Variants in WDFY3 observed in about 807,000 individuals in gnomAD.
The protein encoded by WDFY3 is WD repeat and FYVE domain containing 3.
Under a neutral mutation model 409.6 loss-of-function variants are expected in WDFY3, and 66 were observed. The observed-to-expected ratio is 0.16, with a 90% CI of 0.13 to 0.20. The LOEUF (loss-of-function observed/expected upper bound fraction) is 0.20. WDFY3 is among the 10% of genes least tolerant of loss of function. WDFY3 has a pLI of 1.00. For missense variants in WDFY3, 3,031 were observed against 4,298.1 expected, an observed-to-expected ratio of 0.71 and a Z score of 8.24; for synonymous variants, 1,521 against 1,537.1, an observed-to-expected ratio of 0.99 and a Z score of 0.25.
rs191845661 is a variant in WDFY3, at chr4:84,783,284, G to T, written c.4063-210C>A. Among the ~76,000 whole-genome samples the T allele has an allele frequency of 1.7e-3, 252 of 152,218 alleles. 2 individuals carry two copies. Among genetic ancestry groups the T allele is most frequent in the African/African-American group, 5.6e-3 (233 of 41,522 alleles). On this transcript the variant is annotated intron_variant, in intron 24 of 67. Coordinates refer to ENST00000295888, the MANE Select transcript of WDFY3 (RefSeq NM_014991.6). ...AGAGGCAAGGGAATCGCTTGAGCCC[G>T]GAGTTTGAGACCAGCCTGGGAAACA...
In WDFY3 at chr4:84,742,348, A is replaced by G. The variant is rs138594905; in HGVS notation, c.6074-427T>C. ...CTAATAGCAGTGAAGTAACACAGAC[A>G]GAAGAGAGCTTCAAGAAAACTGTGA... On this transcript the variant is annotated intron_variant, in intron 37 of 67. Coordinates refer to ENST00000295888, the MANE Select transcript of WDFY3 (RefSeq NM_014991.6). 6.6e-3 allele frequency among the ~76,000 whole-genome samples: 1,004 copies of G among 152,348 alleles called. 11 individuals carry two copies. Among genetic ancestry groups the G allele is most frequent in the African/African-American group, 0.023 (936 of 41,576 alleles).
chr4:84,740,488 AC>A, intron 38 of WDFY3, 72 bp from the exon 39 acceptor site: 1 of 1,461,110 alleles, frequency 6.8e-7, no homozygotes, highest in Admixed American at 1.8e-5. Flanking sequence ...TCATACATGA[AC>A]TTTTATTAGG....
intron 4 of WDFY3, among the ~76,000 whole-genome samples, chr4:84,853,268 T>G (rs1379525910): frequency 6.6e-6 from 1 of 152,196 alleles, no homozygotes; most frequent in African/African-American, 2.4e-5. Flanking sequence ...CCTCCTGGTT[T>G]CAAGTGATTC....
At chr4:84,881,996 C>A (rs983892417) in intron 3 of WDFY3, among the ~76,000 whole-genome samples, 2 of 152,072 alleles carry the variant, frequency 1.3e-5, no homozygotes, top group African/African-American at 4.8e-5. Context: ...ACATGAGAAA[C>A]ATTATCTCAT....
At chr4:84,836,431 A>G (rs1365776518) in intron 7 of WDFY3, among the ~76,000 whole-genome samples, 8 of 152,202 alleles carry the variant, frequency 5.3e-5, no homozygotes, top group Admixed American at 5.2e-4. Flanking sequence ...TTGTTAACCC[A>G]CAATGCTATT....
chr4:84,674,672 A>G (rs987067579), intron 67 of WDFY3, among the ~76,000 whole-genome samples: 6 of 151,860 alleles, frequency 4.0e-5, no homozygotes, highest in African/African-American at 1.5e-4. Flanking sequence ...GTTCGAGACG[A>G]GCCTGGCCAA....
At chr4:84,691,147 A>C (rs1260945662) in intron 60 of WDFY3, among the ~76,000 whole-genome samples, 1 of 152,190 alleles carries the variant, frequency 6.6e-6, no homozygotes, top group African/African-American at 2.4e-5. Flanking sequence ...CAGGGCACTA[A>C]AGGATCACTA....
chr4:84,849,692 C>T, intron 5 of WDFY3: 1 of 508,748 alleles, frequency 2.0e-6, no homozygotes, highest in Admixed American at 4.3e-5. Flanking sequence ...TGGTAGTGGT[C>T]CAGGCAGAGT....
At chr4:84,873,841 G>A (rs1014483348) in intron 3 of WDFY3, among the ~76,000 whole-genome samples, 5 of 151,540 alleles carry the variant, frequency 3.3e-5, no homozygotes, top group Admixed American at 6.6e-5. Flanking sequence ...GGAGTGCAGC[G>A]GTATGATCAG....
intron 3 of WDFY3, among the ~76,000 whole-genome samples, chr4:84,869,462 G>A (rs1761881311): frequency 6.6e-6 from 1 of 152,008 alleles, no homozygotes; most frequent in South Asian, 2.1e-4. Context: ...GGGTTGCTGG[G>A]TACTACAGAG....
chr4:84,700,859 G>A (rs1225689951), intron 56 of WDFY3, among the ~76,000 whole-genome samples: 4 of 152,152 alleles, frequency 2.6e-5, no homozygotes, highest in Non-Finnish European at 4.4e-5. Context: ...CCACTGAGAC[G>A]GGCAGATCAC....
chr4:84,751,775 T>C lies in WDFY3; in HGVS notation c.5740-59A>G, dbSNP rs1023240832. 5.7e-6 allele frequency: 9 copies of C among 1,573,344 alleles called. No individual in the cohort carries two copies. The African/African-American group carries it at 9.5e-5, about 17-fold the overall frequency. On this transcript the variant is annotated intron_variant, in intron 35 of 67. Transcript: ENST00000295888. ...CATTAGACTCTGACATTTTTACTTC[T>C]GTGTTTCCTAAAAATAAAACTGGAG... is the stretch of plus-strand genomic sequence containing the variant.
chr4:84,690,697 C>T (rs1729113542), intron 60 of WDFY3, 33 bp from the exon 61 acceptor site: 1 of 1,577,926 alleles, frequency 6.3e-7, no homozygotes, highest in Non-Finnish European at 8.6e-7. Context: ...GACACACATG[C>T]CGTTAAGTAC....
intron 5 of WDFY3, among the ~76,000 whole-genome samples, chr4:84,847,279 C>T (rs1758199391): frequency 6.6e-6 from 1 of 151,934 alleles, no homozygotes; most frequent in Non-Finnish European, 1.5e-5. Flanking sequence ...ATGTTGCAGC[C>T]CACAGCTGCA....
intron 10 of WDFY3, among the ~76,000 whole-genome samples, chr4:84,823,234 T>C (rs1299781433): frequency 2.6e-5 from 4 of 152,104 alleles, no homozygotes; most frequent in Non-Finnish European, 5.9e-5. Context: ...CTTGGCACAT[T>C]CAGATACCCA....
Position 84,679,226 on chromosome 4 carries a change from G to C in WDFY3, c.9840C>G (p.Asp3280Glu), listed in dbSNP as rs530783066. The C allele has an allele frequency of 4.5e-6, 7 of 1,546,452 alleles. No homozygotes were observed. The highest frequency in any genetic ancestry group is 6.1e-6 in the Non-Finnish European group (7 of 1,141,452). ...CTGCTTCTGAATCACTGCTGTCCTC[G>C]TCTTGGGCTTCCTGCCCTGGGTGAA... is the stretch of plus-strand genomic sequence containing the variant. ...PEAQIGQEAQDEDSSDSEADE... is the reference protein window; with the variant it reads ...PEAQIGQEAQEEDSSDSEADE... The change falls in exon 65 of 68, where the codon GAC becomes GAG. Residue 3280 changes from aspartate (D) to glutamate (E), a missense_variant. By Grantham distance (45) the Asp-to-Glu change is conservative (BLOSUM62 2). Around this residue, in one of 16 missense-constraint regions of WDFY3, gnomAD observed 378 missense variants for 477.3 expected, o/e 0.79. Transcript: ENST00000295888.
chr4:84,785,900 G>C, intron 24 of WDFY3, 79 bp downstream of exon 24: 1 of 1,495,574 alleles, frequency 6.7e-7, no homozygotes, highest in Non-Finnish European at 9.1e-7. Flanking sequence ...ACTCATAATT[G>C]AGTAGTATCC....
At chr4:84,796,850 G>A in intron 18 of WDFY3, 98 bp from the exon 19 acceptor site, 1 of 1,000,462 alleles carries the variant, frequency 1.0e-6, no homozygotes, top group East Asian at 2.5e-5. Context: ...AGTTTCAATA[G>A]ACAATAATTT....
chr4:84,775,043 C>T (rs1240979191), intron 28 of WDFY3, 22 bp downstream of exon 28: 1 of 1,613,020 alleles, frequency 6.2e-7, no homozygotes, highest in East Asian at 2.2e-5. Flanking sequence ...GAATAATTAA[C>T]TACGTGGGTA....
Sources: gnomAD v4.1 joint callset for allele counts (sites outside exome capture counted in the v4.1 genomes callset) on GRCh38, gnomAD v4.1.1 for gene constraint, gnomAD v4.1.1 regional missense constraint, MANE v1.5 for transcripts, NCBI Gene and HGNC (gene_info 2026-07-23, HGNC 2026-07-21) for gene names.